The following FSHR variants were observed in gnomAD, a reference collection of about 807,000 sequenced individuals.
FSHR encodes follicle stimulating hormone receptor.
A neutral mutation model predicts 52.1 loss-of-function variants in FSHR; 46 were observed. That is an observed-to-expected ratio of 0.88 (90% CI 0.70 to 1.13). The LOEUF is 1.13. FSHR is among the 50% of genes most tolerant of loss of function. The pLI is 0.00. For missense variants in FSHR, 964 were observed against 834.6 expected (o/e 1.16, Z -1.91); for synonymous variants, 399 against 309.6 (o/e 1.29, Z -3.03).
intron 1 of FSHR, among the ~76,000 whole-genome samples, chr2:49,140,229 T>A (rs1672631236): frequency 6.6e-6 from 1 of 152,144 alleles, no homozygotes; most frequent in Non-Finnish European, 1.5e-5. Context: ...AATGGCTTGG[T>A]CATCCCCTTG....
intron 2 of FSHR, among the ~76,000 whole-genome samples, chr2:49,060,530 G>A (rs1458973319): frequency 1.3e-5 from 2 of 152,110 alleles, no homozygotes; most frequent in Non-Finnish European, 2.9e-5. Flanking sequence ...CAGGGAAATG[G>A]GGCTTGGGCT....
intron 4 of FSHR, among the ~76,000 whole-genome samples, chr2:48,990,929 A>G (rs1422232126): frequency 6.6e-6 from 1 of 151,992 alleles, no homozygotes; most frequent in Non-Finnish European, 1.5e-5. Context: ...GTGACCCTAA[A>G]GCAACTTCCA....
chr2:49,090,145 G>C (rs965977673), intron 1 of FSHR, among the ~76,000 whole-genome samples: 3 of 150,326 alleles, frequency 2.0e-5, no homozygotes, highest in Non-Finnish European at 4.4e-5. Context: ...GTGTGTGTGT[G>C]TGTGTGTGCA....
intron 1 of FSHR, among the ~76,000 whole-genome samples, chr2:49,090,151 G>GTGCA (rs1424294803): frequency 1.3e-5 from 2 of 151,060 alleles, no homozygotes; most frequent in Non-Finnish European, 2.9e-5. Flanking sequence ...GTGTGTGTGT[G>GTGCA]TGCATGTGTG....
At chr2:49,064,869 T>C (rs1214750542) in intron 2 of FSHR, among the ~76,000 whole-genome samples, 1 of 152,144 alleles carries the variant, frequency 6.6e-6, no homozygotes, top group Non-Finnish European at 1.5e-5. Context: ...TCTGGAAAAG[T>C]TCTGTAGAAA....
chr2:49,015,891 G>A (rs893113919), intron 4 of FSHR, among the ~76,000 whole-genome samples: 2 of 152,170 alleles, frequency 1.3e-5, no homozygotes, highest in Non-Finnish European at 2.9e-5. Context: ...GGGCCCTCCT[G>A]AGCACAAAGC....
At chr2:49,049,318 T>C (rs1668770949) in intron 2 of FSHR, among the ~76,000 whole-genome samples, 1 of 152,114 alleles carries the variant, frequency 6.6e-6, no homozygotes, top group Admixed American at 6.6e-5. Flanking sequence ...AAGCAGAAGT[T>C]GTAAAAGATA....
chr2:48,963,837 C>T lies in FSHR; in HGVS notation c.984G>A (p.Met328Ile). 2 of 1,614,168 alleles carry T rather than the reference C, an allele frequency of 1.2e-6. No individual in the cohort carries two copies. The highest frequency in any genetic ancestry group is 1.7e-6 in the Non-Finnish European group (2 of 1,180,016). The change falls in exon 10 of 10, where the codon ATG becomes ATA. Residue 328 changes from methionine (M) to isoleucine (I), a missense_variant. By Grantham distance (10) the Met-to-Ile change is conservative. Transcript: ENST00000406846. ...NESSYSRGFD[M>I]TYTEFDYDLC... is the part of the protein sequence containing the mutation. The stretch of plus-strand genomic sequence containing the variant: ...AGTCATAGTCAAACTCAGTGTACGT[C>T]ATGTCAAATCCTCTGCTGTAGCTGG...
At chr2:49,066,796 T>G (rs1669518490) in intron 2 of FSHR, among the ~76,000 whole-genome samples, 1 of 152,120 alleles carries the variant, frequency 6.6e-6, no homozygotes, top group South Asian at 2.1e-4. Context: ...AGCTTATTTG[T>G]GACATCTGAA....
chr2:49,139,542 C>T (rs1672602282), intron 1 of FSHR, among the ~76,000 whole-genome samples: 1 of 151,666 alleles, frequency 6.6e-6, no homozygotes, highest in African/African-American at 2.4e-5. Context: ...GAGGCATATA[C>T]TTGGAGAAAT....
chr2:49,139,227 A>G (rs555888130), intron 1 of FSHR, among the ~76,000 whole-genome samples: 12 of 152,290 alleles, frequency 7.9e-5, no homozygotes, highest in African/African-American at 2.2e-4. Flanking sequence ...GGTGTCTACC[A>G]TCTATTTTGG....
intron 1 of FSHR, among the ~76,000 whole-genome samples, chr2:49,090,549 G>A (rs990344681): frequency 1.3e-5 from 2 of 152,166 alleles, no homozygotes; most frequent in Non-Finnish European, 2.9e-5. Flanking sequence ...CTTGTTTGGG[G>A]ATGATTATGA....
chr2:49,068,563 G>T (rs191200577), intron 1 of FSHR, among the ~76,000 whole-genome samples: 74 of 152,164 alleles, frequency 4.9e-4, no homozygotes, highest in African/African-American at 1.7e-3. Context: ...GATGGAATAT[G>T]AACCTTGCTT....
chr2:49,056,546 A>G (rs1453668362), intron 2 of FSHR, among the ~76,000 whole-genome samples: 1 of 151,478 alleles, frequency 6.6e-6, no homozygotes, highest in Non-Finnish European at 1.5e-5. Flanking sequence ...AGGGAGAGAT[A>G]GACCGCAATA....
At chr2:49,097,687 C>G (rs574617141) in intron 1 of FSHR, among the ~76,000 whole-genome samples, 1 of 152,264 alleles carries the variant, frequency 6.6e-6, no homozygotes, top group Admixed American at 6.5e-5. Context: ...TGAGGCAGAT[C>G]ACCCCTGCAC....
chr2:49,046,114 C>A (rs552935301), intron 2 of FSHR, among the ~76,000 whole-genome samples: 1 of 152,160 alleles, frequency 6.6e-6, no homozygotes, highest in Non-Finnish European at 1.5e-5. Flanking sequence ...GGAACAAATA[C>A]TTGTCCCAGC....
chr2:49,027,570 C>T (rs1486065262), intron 2 of FSHR, among the ~76,000 whole-genome samples: 1 of 152,126 alleles, frequency 6.6e-6, no homozygotes, highest in African/African-American at 2.4e-5. Flanking sequence ...GAAGGAAGGG[C>T]CGGGCGCAGT....
intron 1 of FSHR, among the ~76,000 whole-genome samples, chr2:49,082,254 C>T (rs570002938): frequency 3.3e-5 from 5 of 152,196 alleles, no homozygotes; most frequent in African/African-American, 4.8e-5. Flanking sequence ...CTCACACAGC[C>T]GGGTACTCCA....
At chr2:49,066,744 T>A (rs1156400573) in intron 2 of FSHR, among the ~76,000 whole-genome samples, 1 of 152,080 alleles carries the variant, frequency 6.6e-6, no homozygotes, top group Non-Finnish European at 1.5e-5. Context: ...GAATACCCAA[T>A]GAGGGGTCAT....
Sources: allele counts gnomAD v4.1 joint callset (sites outside exome capture counted in the v4.1 genomes callset), GRCh38; gene constraint gnomAD v4.1.1; transcripts MANE v1.5; gene names NCBI Gene and HGNC (gene_info 2026-07-23, HGNC 2026-07-21).